The following FXR1 variants were observed in gnomAD, a reference collection of about 807,000 sequenced individuals.
FXR1 encodes the protein FMR1 autosomal homolog 1.
Under a neutral mutation model 84.0 loss-of-function variants are expected in FXR1, and 15 were observed. That is an observed-to-expected ratio of 0.18 (90% CI 0.12 to 0.27). The LOEUF (loss-of-function observed/expected upper bound fraction) is 0.27, where lower values mean the gene tolerates loss of function less well. Among genes scored for constraint, FXR1 ranks in the 10% least tolerant of loss-of-function variants. FXR1 has a pLI of 1.00. For missense variants in FXR1, 480 were observed against 774.4 expected (o/e 0.62, Z 4.51); for synonymous variants, 245 against 250.7 (o/e 0.98, Z 0.21).
intron 1 of FXR1, among the ~76,000 whole-genome samples, chr3:180,922,858 C>A (rs1217041018): frequency 1.3e-5 from 2 of 152,156 alleles, no homozygotes; most frequent in Non-Finnish European, 2.9e-5. Context: ...AAGTGATCTT[C>A]CTGCCTCGGC....
intron 10 of FXR1, among the ~76,000 whole-genome samples, chr3:180,958,911 G>A (rs923515315): frequency 2.7e-5 from 4 of 150,664 alleles, no homozygotes; most frequent in Non-Finnish European, 4.4e-5. Flanking sequence ...TCATTCAAGC[G>A]AGTCTCCTGC....
intron 14 of FXR1, among the ~76,000 whole-genome samples, chr3:180,969,321 G>A (rs773558833): frequency 3.9e-5 from 6 of 152,178 alleles, no homozygotes; most frequent in Admixed American, 6.5e-5. Context: ...TAATGGATAC[G>A]CTTAGTGTCT....
chr3:180,933,903 G>C (rs894739193), intron 2 of FXR1, among the ~76,000 whole-genome samples: 1 of 152,136 alleles, frequency 6.6e-6, no homozygotes, highest in African/African-American at 2.4e-5. Context: ...TTGAGGTCAG[G>C]AGTGTGAGAC....
At chr3:180,918,682 A>T (rs528371606) in intron 1 of FXR1, among the ~76,000 whole-genome samples, 12 of 152,296 alleles carry the variant, frequency 7.9e-5, no homozygotes, top group Non-Finnish European at 7.4e-5. Context: ...GTTTTTTCAT[A>T]TGCAGTATGA....
intron 4 of FXR1, 44 bp from the exon 5 acceptor site, chr3:180,948,303 T>G: frequency 7.0e-7 from 1 of 1,424,228 alleles, no homozygotes; most frequent in East Asian, 2.3e-5. Context: ...AACTTCATTA[T>G]TTTTGTTCAG....
At chr3:180,947,993 T>C in intron 4 of FXR1, 57 bp downstream of exon 4, 1 of 972,760 alleles carries the variant, frequency 1.0e-6, no homozygotes, top group Non-Finnish European at 1.6e-6. Context: ...CCTCAGTGCT[T>C]GGTTTTTGTA....
intron 15 of FXR1, chr3:180,971,266 C>G (rs1422284067): frequency 9.4e-6 from 2 of 213,078 alleles, no homozygotes; most frequent in Non-Finnish European, 1.8e-5. Flanking sequence ...CATATACATT[C>G]AAAATTTGCA....
At chr3:180,968,025 T>G (rs375767759) in intron 13 of FXR1, 26 bp from the exon 14 acceptor site, 4 of 1,409,860 alleles carry the variant, frequency 2.8e-6, no homozygotes, top group South Asian at 2.3e-5. Context: ...GAAATCTAAG[T>G]GGTTTATGTT....
intron 9 of FXR1, chr3:180,957,578 C>T (rs370257582): frequency 5.3e-5 from 19 of 357,914 alleles, no homozygotes; most frequent in African/African-American, 2.7e-4. Context: ...GAATTCCTTA[C>T]ATGTGAGCAC....
chr3:180,930,895 G>C (rs563339936), intron 1 of FXR1, among the ~76,000 whole-genome samples: 1 of 151,744 alleles, frequency 6.6e-6, no homozygotes, highest in Admixed American at 6.6e-5. Flanking sequence ...AAATTAGCTG[G>C]GTGTGGTGGT....
At chr3:180,947,156 C>G (rs182054582) in intron 3 of FXR1, among the ~76,000 whole-genome samples, 1 of 152,064 alleles carries the variant, frequency 6.6e-6, no homozygotes. Context: ...GGACATGATT[C>G]TCCTGCCTCA....
chr3:180,945,883 T>TGTTTGAGAAATACATC (rs71182563), intron 3 of FXR1, among the ~76,000 whole-genome samples: 5 of 151,390 alleles, frequency 3.3e-5, no homozygotes, highest in Non-Finnish European at 5.9e-5. Context: ...TTGAGAACAA[T>TGTTTGAGAAATACATC]GTTTGAGAAA....
At position 180,977,494 on chromosome 3, in the gene FXR1, C is replaced by A. The variant is rs996956000; in HGVS notation, c.*1202C>A. On this transcript the variant is annotated 3_prime_UTR_variant, in exon 17 of 17. Transcript: ENST00000357559. ...TAATAGGCCAATGATTTGCTTTATT[C>A]ATTCTCAACTTATTTTGAAGGCTCT... The A allele has an allele frequency of 2.6e-5, 4 of 152,020 alleles. No individual in the cohort carries two copies. The highest frequency in any genetic ancestry group is 5.9e-5 in the Non-Finnish European group (4 of 67,954). The allele number at this position is 152,020 out of a possible 1,614,324, so 9.4% of individuals were successfully genotyped here.
intron 1 of FXR1, among the ~76,000 whole-genome samples, chr3:180,913,009 G>C (rs1346194913): frequency 6.6e-6 from 1 of 152,202 alleles, no homozygotes; most frequent in East Asian, 1.9e-4. Flanking sequence ...TGGCGGGCCG[G>C]TGGGAAGCAA....
chr3:180,925,374 A>AGT (rs71182559), intron 1 of FXR1, among the ~76,000 whole-genome samples: 1 of 151,622 alleles, frequency 6.6e-6, no homozygotes, highest in African/African-American at 2.4e-5. Flanking sequence ...AAAAAAAAAA[A>AGT]GTACATTCCT....
chr3:180,950,729 A>AT (rs1445954894), intron 7 of FXR1, among the ~76,000 whole-genome samples: 1 of 152,118 alleles, frequency 6.6e-6, no homozygotes, highest in Non-Finnish European at 1.5e-5. Flanking sequence ...AAGTAAAATC[A>AT]TTTTAGTCTT....
intron 8 of FXR1, among the ~76,000 whole-genome samples, chr3:180,953,324 G>GA (rs1722419718): frequency 6.6e-6 from 1 of 152,098 alleles, no homozygotes; most frequent in Non-Finnish European, 1.5e-5. Context: ...TGCAAAAATA[G>GA]CTTTTTAAGT....
chr3:180,931,321 C>T (rs936306554), intron 1 of FXR1, among the ~76,000 whole-genome samples: 64 of 151,646 alleles, frequency 4.2e-4, no homozygotes, highest in African/African-American at 1.5e-3. Context: ...TGGGTTCAAG[C>T]GATCCTCCTG....
At chr3:180,965,294 C>T (rs1050549368) in intron 13 of FXR1, among the ~76,000 whole-genome samples, 6 of 151,760 alleles carry the variant, frequency 4.0e-5, no homozygotes, top group Non-Finnish European at 8.8e-5. Context: ...GGATTACAGG[C>T]GTGAGCCACC....
Sources: allele counts gnomAD v4.1 joint callset (sites outside exome capture counted in the v4.1 genomes callset), GRCh38; gene constraint gnomAD v4.1.1; transcripts MANE v1.5; gene names NCBI Gene and HGNC (gene_info 2026-07-23, HGNC 2026-07-21).